Variants in MIPOL1 observed in about 807,000 individuals in gnomAD.
The protein encoded by MIPOL1 is mirror-image polydactyly 1, also known as mirror-image polydactyly gene 1 protein.
Under a neutral mutation model 60.9 loss-of-function variants are expected in MIPOL1, and 57 were observed. The observed-to-expected ratio is 0.94, with a 90% CI of 0.76 to 1.17. MIPOL1 has a LOEUF of 1.17. Ranked by LOEUF, MIPOL1 falls within the 50% of genes most tolerant of loss-of-function variation. MIPOL1 has a pLI of 0.00. For missense variants in MIPOL1, 551 were observed against 511.6 expected (o/e 1.08, Z -0.74); for synonymous variants, 179 against 168.8 (o/e 1.06, Z -0.47).
chr14:37,391,372 A>G (rs2093233103), intron 10 of MIPOL1, among the ~76,000 whole-genome samples: 1 of 150,884 alleles, frequency 6.6e-6, no homozygotes, highest in Non-Finnish European at 1.5e-5. Context: ...GTTTGGAAAT[A>G]TTAAAATATT....
At chr14:37,304,966 T>C (rs979500184) in intron 7 of MIPOL1, among the ~76,000 whole-genome samples, 3 of 151,836 alleles carry the variant, frequency 2.0e-5, no homozygotes, top group African/African-American at 4.8e-5. Context: ...TCATCAGATA[T>C]ATTTCATATA....
At chr14:37,402,283 C>T (rs906700161) in intron 10 of MIPOL1, among the ~76,000 whole-genome samples, 3 of 151,708 alleles carry the variant, frequency 2.0e-5, no homozygotes, top group Non-Finnish European at 4.4e-5. Flanking sequence ...TACTACAGTC[C>T]GAAAACACAG....
intron 1 of MIPOL1, among the ~76,000 whole-genome samples, chr14:37,245,187 T>A (rs1477552822): frequency 6.6e-6 from 1 of 152,120 alleles, no homozygotes; most frequent in Non-Finnish European, 1.5e-5. Flanking sequence ...TTATTAAAAG[T>A]AGCTTAAAAA....
intron 9 of MIPOL1, among the ~76,000 whole-genome samples, chr14:37,310,760 C>G (rs1331851889): frequency 6.6e-6 from 1 of 152,100 alleles, no homozygotes; most frequent in Admixed American, 6.6e-5. Flanking sequence ...GCCTCCCAAA[C>G]TGAGAGCTGA....
intron 11 of MIPOL1, among the ~76,000 whole-genome samples, chr14:37,464,842 T>A (rs1365379819): frequency 6.6e-6 from 1 of 152,238 alleles, no homozygotes; most frequent in Non-Finnish European, 1.5e-5. Flanking sequence ...AAATTTTAAT[T>A]TCCTGTTAAA....
At chr14:37,383,885 TA>T (rs2092994728) in intron 10 of MIPOL1, among the ~76,000 whole-genome samples, 1 of 151,874 alleles carries the variant, frequency 6.6e-6, no homozygotes, top group South Asian at 2.1e-4. Flanking sequence ...CTGTTGCTGT[TA>T]AACTGGATTT....
chr14:37,365,251 A>T (rs916678721), intron 9 of MIPOL1, among the ~76,000 whole-genome samples: 6 of 152,170 alleles, frequency 3.9e-5, no homozygotes, highest in African/African-American at 1.4e-4. Context: ...TATGTTGAAT[A>T]ACAGTGGTGC....
chr14:37,489,008 T>A (rs1047077386), intron 11 of MIPOL1, among the ~76,000 whole-genome samples: 4 of 152,236 alleles, frequency 2.6e-5, no homozygotes, highest in African/African-American at 9.6e-5. Flanking sequence ...GGGGAATTTC[T>A]CCTCGATAAT....
chr14:37,253,080 T>C (rs1390470125), intron 3 of MIPOL1, among the ~76,000 whole-genome samples: 3 of 151,912 alleles, frequency 2.0e-5, no homozygotes, highest in East Asian at 3.9e-4. Context: ...ATTTTAATAA[T>C]TGGCTTTCTA....
chr14:37,286,553 T>C (rs1016857918), intron 7 of MIPOL1, among the ~76,000 whole-genome samples: 2 of 152,332 alleles, frequency 1.3e-5, no homozygotes, highest in Non-Finnish European at 2.9e-5. Context: ...AGCATACTTA[T>C]GGCATGTTTA....
intron 11 of MIPOL1, among the ~76,000 whole-genome samples, chr14:37,474,515 C>A (rs1388661161): frequency 1.3e-5 from 2 of 152,136 alleles, no homozygotes; most frequent in African/African-American, 2.4e-5. Context: ...TGTCTGCCAC[C>A]ATGTAAGACA....
chr14:37,222,278 G>A (rs116743173), intron 1 of MIPOL1, among the ~76,000 whole-genome samples: 5,089 of 150,996 alleles, frequency 0.034, 287 homozygotes, highest in African/African-American at 0.12. Context: ...GCTGGAGTGC[G>A]GTGGCACAAT....
At chr14:37,370,296 A>G (rs747081632) in intron 10 of MIPOL1, among the ~76,000 whole-genome samples, 1 of 152,082 alleles carries the variant, frequency 6.6e-6, no homozygotes, top group Non-Finnish European at 1.5e-5. Context: ...TCTACTTTTT[A>G]TCTTTTGCCT....
At chr14:37,531,484 C>T (rs1020317002) in intron 12 of MIPOL1, among the ~76,000 whole-genome samples, 8 of 151,968 alleles carry the variant, frequency 5.3e-5, no homozygotes, top group African/African-American at 1.9e-4. Context: ...TAATATATTA[C>T]TAGCATGATA....
chr14:37,475,033 C>T (rs1307169586), intron 11 of MIPOL1, among the ~76,000 whole-genome samples: 8 of 151,830 alleles, frequency 5.3e-5, no homozygotes, highest in East Asian at 1.9e-4. Context: ...GGCGTGATCT[C>T]GGCTCACTGC....
At chr14:37,508,520 T>C (rs1037891795) in intron 12 of MIPOL1, among the ~76,000 whole-genome samples, 2 of 152,200 alleles carry the variant, frequency 1.3e-5, no homozygotes, top group Non-Finnish European at 2.9e-5. Flanking sequence ...AAGACCTTCA[T>C]GTATCTTCAG....
At chr14:37,282,746 T>G (rs1188822099) in intron 6 of MIPOL1, among the ~76,000 whole-genome samples, 1 of 2,700 alleles carries the variant, frequency 3.7e-4, no homozygotes, top group African/African-American at 1.3e-3. Context: ...AGACCCTGTC[T>G]CAAAAAAAAA....
intron 11 of MIPOL1, among the ~76,000 whole-genome samples, chr14:37,496,005 T>G (rs2095122472): frequency 6.6e-6 from 1 of 150,886 alleles, no homozygotes; most frequent in Non-Finnish European, 1.5e-5. Flanking sequence ...TTTGTTTGAG[T>G]TCATTGTAGA....
In MIPOL1 at chr14:37,303,038, C is replaced by G. The variant is rs148366290; in HGVS notation, c.624-5018C>G. On this transcript the variant is annotated intron_variant, in intron 7 of 12. Coordinates refer to ENST00000684589, the MANE Select transcript of MIPOL1 (RefSeq NM_001388067.1). ...ATTATATTTACATGCAATTTATGTT[C>G]ATAAATTTTATTACGTAAATCAGTC... Among the ~76,000 whole-genome samples, 942 of 151,872 alleles carry G rather than the reference C, an allele frequency of 6.2e-3. 7 individuals are homozygous for G. The highest frequency in any genetic ancestry group is 0.02 in the African/African-American group (818 of 41,508).
Sources: gnomAD v4.1 joint callset for allele counts (sites outside exome capture counted in the v4.1 genomes callset) on GRCh38, gnomAD v4.1.1 for gene constraint, MANE v1.5 for transcripts, NCBI Gene and HGNC (gene_info 2026-07-23, HGNC 2026-07-21) for gene names.